Variants in KIF16B observed in about 807,000 individuals in gnomAD.
KIF16B encodes the protein kinesin-like protein KIF16B.
In KIF16B, 98 loss-of-function variants were observed where a neutral mutation model predicts 156.3. The observed-to-expected ratio is 0.63, with a 90% CI of 0.53 to 0.74. The LOEUF (loss-of-function observed/expected upper bound fraction) is 0.74, where lower values mean the gene tolerates loss of function less well. Ranked by LOEUF, KIF16B falls within the 30% of genes least tolerant of loss-of-function variation. The pLI is 0.00. For missense variants in KIF16B, 1,421 were observed against 1,606.5 expected, an observed-to-expected ratio of 0.88 and a Z score of 1.97; for synonymous variants, 564 against 583.7, an observed-to-expected ratio of 0.97 and a Z score of 0.49.
chr20:16,394,356 A>C (rs2065441598), intron 17 of KIF16B, among the ~76,000 whole-genome samples: 1 of 152,242 alleles, frequency 6.6e-6, no homozygotes, highest in African/African-American at 2.4e-5. Context: ...TCACGGACAA[A>C]AAGGAAAAAA....
chr20:16,513,322 T>C (rs2069020522), intron 4 of KIF16B, among the ~76,000 whole-genome samples: 1 of 152,048 alleles, frequency 6.6e-6, no homozygotes, highest in African/African-American at 2.4e-5. Flanking sequence ...ATCCCCACGG[T>C]AGTTAATAAT....
At chr20:16,433,003 C>T (rs1022241597) in intron 12 of KIF16B, among the ~76,000 whole-genome samples, 1 of 152,200 alleles carries the variant, frequency 6.6e-6, no homozygotes. Context: ...ATATGCAAAT[C>T]TCAGCTAAAC....
intron 1 of KIF16B, among the ~76,000 whole-genome samples, chr20:16,570,353 G>A (rs2071410675): frequency 6.6e-6 from 1 of 152,154 alleles, no homozygotes. Context: ...TTCTGCTTAA[G>A]TATACAGATT....
chr20:16,570,885 C>T (rs2071427339), intron 1 of KIF16B, among the ~76,000 whole-genome samples: 1 of 152,214 alleles, frequency 6.6e-6, no homozygotes, highest in African/African-American at 2.4e-5. Flanking sequence ...CCCTTTTCTT[C>T]TCACGTAACA....
At chr20:16,310,423 C>T (rs1335147417) in intron 25 of KIF16B, among the ~76,000 whole-genome samples, 1 of 152,156 alleles carries the variant, frequency 6.6e-6, no homozygotes, top group African/African-American at 2.4e-5. Flanking sequence ...AATGGAAAAC[C>T]AAGGGTACCC....
At chr20:16,386,653 T>A (rs775878777) in intron 17 of KIF16B, among the ~76,000 whole-genome samples, 8 of 150,646 alleles carry the variant, frequency 5.3e-5, no homozygotes, top group Non-Finnish European at 1.0e-4. Flanking sequence ...AGAGATTGAG[T>A]GAAAAAATGG....
At chr20:16,518,113 G>A (rs1439055792) in intron 3 of KIF16B, among the ~76,000 whole-genome samples, 1 of 152,156 alleles carries the variant, frequency 6.6e-6, no homozygotes, top group Non-Finnish European at 1.5e-5. Flanking sequence ...CAGGTCTGGA[G>A]GCGCAGAGAC....
At chr20:16,492,218 A>G (rs1349538898) in intron 12 of KIF16B, among the ~76,000 whole-genome samples, 1 of 152,234 alleles carries the variant, frequency 6.6e-6, no homozygotes, top group African/African-American at 2.4e-5. Flanking sequence ...AAGGATACAG[A>G]TACAAACCCA....
At chr20:16,441,807 C>T (rs1448703591) in intron 12 of KIF16B, among the ~76,000 whole-genome samples, 2 of 152,162 alleles carry the variant, frequency 1.3e-5, no homozygotes, top group African/African-American at 4.8e-5. Context: ...ATTCAACCAA[C>T]ACCTAACGAC....
chr20:16,445,691 C>G (rs2066913821), intron 12 of KIF16B, among the ~76,000 whole-genome samples: 1 of 152,062 alleles, frequency 6.6e-6, no homozygotes, highest in East Asian at 1.9e-4. Context: ...TTTACAGAAC[C>G]AACGAGGTGC....
At chr20:16,404,951 C>G (rs1347759256) in intron 16 of KIF16B, 50 bp from the exon 17 acceptor site, 5 of 1,332,230 alleles carry the variant, frequency 3.8e-6, no homozygotes, top group Non-Finnish European at 5.4e-6. Context: ...GAAGAAAAGG[C>G]CACTGCTCTG....
intron 15 of KIF16B, among the ~76,000 whole-genome samples, chr20:16,410,156 C>T (rs200484063): frequency 2.8e-3 from 212 of 74,898 alleles, no homozygotes; most frequent in African/African-American, 0.013. Context: ...GGTACATATA[C>T]ATATATGTAG....
chr20:16,525,096 A>G (rs1478643039), intron 3 of KIF16B, among the ~76,000 whole-genome samples: 1 of 151,980 alleles, frequency 6.6e-6, no homozygotes, highest in Non-Finnish European at 1.5e-5. Context: ...TGATGGGTGC[A>G]GCAAACCGCC....
intron 17 of KIF16B, 85 bp from the exon 18 acceptor site, chr20:16,381,832 A>G: frequency 9.1e-7 from 1 of 1,098,418 alleles, no homozygotes; most frequent in East Asian, 2.6e-5. Context: ...GTCACATATT[A>G]AAAAGGGCAT....
intron 12 of KIF16B, among the ~76,000 whole-genome samples, chr20:16,460,182 T>C (rs1049475118): frequency 3.9e-5 from 6 of 152,196 alleles, no homozygotes; most frequent in African/African-American, 1.4e-4. Context: ...AAAATTTAAA[T>C]GCAGGTTGGC....
At chr20:16,534,853 T>C (rs1425986021) in intron 1 of KIF16B, among the ~76,000 whole-genome samples, 2 of 152,190 alleles carry the variant, frequency 1.3e-5, no homozygotes, top group East Asian at 3.8e-4. Context: ...CATTGGTCCA[T>C]GTGTCTATTT....
At position 16,387,936 on chromosome 20, in the gene KIF16B, C is replaced by G. The variant is rs1276757805; in HGVS notation, c.1785-6189G>C. ...AGATCAGGCGCTTGAGGCTGTTGCT[C>G]TGGCCTCTGAAGGTAGTACTGTAAA... is the stretch of plus-strand genomic sequence containing the variant. On this transcript the variant is annotated intron_variant, in intron 17 of 25. Transcript: ENST00000354981. Among the ~76,000 whole-genome samples, 11 of 152,316 alleles carry G rather than the reference C, an allele frequency of 7.2e-5. No individual in the cohort carries two copies. In the East Asian group the frequency reaches 1.9e-3, roughly 27 times the overall value.
chr20:16,492,947 C>T (rs1258235568), intron 12 of KIF16B, among the ~76,000 whole-genome samples: 3 of 152,110 alleles, frequency 2.0e-5, no homozygotes, highest in African/African-American at 7.2e-5. Context: ...ACACCTCTTA[C>T]AGGGAATGCA....
At chr20:16,412,241 G>T (rs1015591547) in intron 15 of KIF16B, among the ~76,000 whole-genome samples, 1 of 151,974 alleles carries the variant, frequency 6.6e-6, no homozygotes, top group Non-Finnish European at 1.5e-5. Context: ...AACACCATTG[G>T]GTGTGGTGGC....
Sources: gnomAD v4.1 joint callset for allele counts (sites outside exome capture counted in the v4.1 genomes callset) on GRCh38, gnomAD v4.1.1 for gene constraint, MANE v1.5 for transcripts, NCBI Gene and HGNC (gene_info 2026-07-23, HGNC 2026-07-21) for gene names.